The following JAM3 variants were observed in gnomAD, a reference collection of about 807,000 sequenced individuals.
JAM3 encodes junctional adhesion molecule 3.
In JAM3, 31 loss-of-function variants were observed where a neutral mutation model predicts 39.4. That is an observed-to-expected ratio of 0.79 (90% CI 0.59 to 1.06). The LOEUF (loss-of-function observed/expected upper bound fraction) is 1.06, where lower values mean the gene tolerates loss of function less well. JAM3 is among the 50% of genes least tolerant of loss of function. JAM3 has a pLI of 0.00. For synonymous variants in JAM3, 182 were observed against 148.7 expected (o/e 1.22, Z -1.63); for missense variants, 455 against 391.4 (o/e 1.16, Z -1.37).
At chr11:134,086,942 C>T (rs1271068864) in intron 1 of JAM3, among the ~76,000 whole-genome samples, 1 of 151,952 alleles carries the variant, frequency 6.6e-6, no homozygotes, top group Non-Finnish European at 1.5e-5. Context: ...GTAGCTGGGA[C>T]CACAGGGATG....
intron 1 of JAM3, among the ~76,000 whole-genome samples, chr11:134,132,980 A>G (rs1055552564): frequency 8.5e-5 from 13 of 152,138 alleles, no homozygotes; most frequent in African/African-American, 2.9e-4. Context: ...TGTCTCTCCA[A>G]TCTGGAGACA....
At chr11:134,104,014 G>C (rs1195883504) in intron 1 of JAM3, among the ~76,000 whole-genome samples, 2 of 152,180 alleles carry the variant, frequency 1.3e-5, no homozygotes, top group Non-Finnish European at 2.9e-5. Context: ...GGACATAATA[G>C]ACATCTACAG....
At position 134,151,885 on chromosome 11, in the gene JAM3, A is replaced by AG. The variant is rs1943248852; in HGVS notation, c.*2706dup. 6.6e-6 allele frequency: 1 copy of AG among 152,234 alleles called. No homozygotes were observed. The highest frequency in any genetic ancestry group is 2.4e-5 in the African/African-American group (1 of 41,454). 9.4% of individuals were successfully genotyped at this position (152,234 alleles called of 1,614,324 possible). On this transcript the variant is annotated 3_prime_UTR_variant, in exon 9 of 9. Coordinates refer to ENST00000299106, the MANE Select transcript of JAM3 (RefSeq NM_032801.5). ...ACCAGGGAAGTCAGTGCTGGGCAGG[A>AG]GGTCAGCCTGTGTGCTCAAGAGCAG...
chr11:134,135,975 C>T (rs1293468633), intron 1 of JAM3, among the ~76,000 whole-genome samples: 1 of 151,992 alleles, frequency 6.6e-6, no homozygotes, highest in African/African-American at 2.4e-5. Flanking sequence ...GAGGCTGAGA[C>T]AGGAGAATTG....
At position 134,149,193 on chromosome 11, in the gene JAM3, T is replaced by A. The variant is rs758010355; in HGVS notation, c.*12T>A. ...CGTTTGTGATCTGAGACCCGCGGTG[T>A]GGCTGAGAGCGCACAGAGCGCACGT... On this transcript the variant is annotated 3_prime_UTR_variant, in exon 9 of 9. Coordinates refer to ENST00000299106, the MANE Select transcript of JAM3 (RefSeq NM_032801.5). The A allele has an allele frequency of 2.5e-6, 4 of 1,614,000 alleles. No homozygotes were observed. The South Asian group carries it at 4.4e-5, about 18-fold the overall frequency.
chr11:134,087,331 A>G (rs1041528694), intron 1 of JAM3, among the ~76,000 whole-genome samples: 3 of 152,250 alleles, frequency 2.0e-5, no homozygotes, highest in Non-Finnish European at 2.9e-5. Context: ...ATCAGAGAGT[A>G]TATATTTTTC....
At chr11:134,090,666 C>T (rs77022827) in intron 1 of JAM3, among the ~76,000 whole-genome samples, 4,316 of 152,160 alleles carry the variant, frequency 0.028, 213 homozygotes, top group African/African-American at 0.098. Context: ...TTCTAGATTT[C>T]AGTGTTGTCT....
intron 1 of JAM3, among the ~76,000 whole-genome samples, chr11:134,084,163 G>A (rs547913736): frequency 3.3e-5 from 5 of 152,126 alleles, no homozygotes; most frequent in African/African-American, 1.2e-4. Context: ...TGTTATCATG[G>A]CCTGTCTACC....
intron 1 of JAM3, among the ~76,000 whole-genome samples, chr11:134,134,398 C>CAAAAAAAAAAAAAAAAAAAAAAAA (rs34729848): frequency 3.8e-4 from 12 of 31,924 alleles, no homozygotes; most frequent in Non-Finnish European, 4.4e-4. Context: ...GGATAAATGC[C>CAAAAAAAAAAAAAAAAAAAAAAAA]AAAAAAAAAA....
chr11:134,118,568 C>T (rs1352803462), intron 1 of JAM3, among the ~76,000 whole-genome samples: 1 of 152,086 alleles, frequency 6.6e-6, no homozygotes, highest in Non-Finnish European at 1.5e-5. Context: ...CTCTGGCCTC[C>T]CCCTGCCTGT....
intron 1 of JAM3, among the ~76,000 whole-genome samples, chr11:134,130,407 T>G (rs1942747159): frequency 6.6e-6 from 1 of 152,086 alleles, no homozygotes; most frequent in South Asian, 2.1e-4. Flanking sequence ...TTAGGTATTA[T>G]GGTTGGGAAT....
At chr11:134,094,212 C>G (rs1475581009) in intron 1 of JAM3, among the ~76,000 whole-genome samples, 5 of 124,028 alleles carry the variant, frequency 4.0e-5, no homozygotes, top group East Asian at 2.8e-4. Context: ...CCTTACATGT[C>G]ACTTCCTGAG....
intron 1 of JAM3, among the ~76,000 whole-genome samples, chr11:134,096,232 G>T (rs1207861472): frequency 6.6e-6 from 1 of 152,158 alleles, no homozygotes; most frequent in Non-Finnish European, 1.5e-5. Context: ...TCCTGCCTCG[G>T]CCTGGGATTA....
At position 134,150,729 on chromosome 11, in the gene JAM3, A is replaced by G. The variant is rs1307228053; in HGVS notation, c.*1548A>G. 8 of 152,154 alleles carry G rather than the reference A, an allele frequency of 5.3e-5. No individual in the cohort carries two copies. In the East Asian group the frequency reaches 1.5e-3, roughly 29 times the overall value. The allele number at this position is 152,154 out of a possible 1,614,324, so 9.4% of individuals were successfully genotyped here. A position where few individuals can be genotyped will look rare whatever the true frequency, so the allele number is the denominator to read the frequency against. ...AATCAAGTCTGTCAAGTACAATAAC[A>G]TTTTTAAAAGAAAATGGATCCCACT... On this transcript the variant is annotated 3_prime_UTR_variant, in exon 9 of 9. Transcript: ENST00000299106.
chr11:134,077,650 CTTTTTTT>C (rs71038558), intron 1 of JAM3, among the ~76,000 whole-genome samples: 61 of 102,046 alleles, frequency 6.0e-4, no homozygotes, highest in African/African-American at 1.6e-3. Flanking sequence ...TGGCTGGCGC[CTTTTTTT>C]TTTTTTTTTT....
chr11:134,093,927 G>A (rs867562632), intron 1 of JAM3, among the ~76,000 whole-genome samples: 1,125 of 94,022 alleles, frequency 0.012, 1 homozygote, highest in African/African-American at 0.02. Flanking sequence ...CCTGAGGGAA[G>A]CTTCTCCTGA....
chr11:134,094,277 C>T (rs1941933956), intron 1 of JAM3, among the ~76,000 whole-genome samples: 1 of 135,012 alleles, frequency 7.4e-6, no homozygotes, highest in African/African-American at 2.8e-5. Context: ...AACGTCACTT[C>T]CTGAGGGAAG....
At chr11:134,120,682 G>T (rs1942514553) in intron 1 of JAM3, among the ~76,000 whole-genome samples, 1 of 152,158 alleles carries the variant, frequency 6.6e-6, no homozygotes, top group Admixed American at 6.5e-5. Context: ...AGGACGGGGA[G>T]TTTGCACATT....
intron 1 of JAM3, among the ~76,000 whole-genome samples, chr11:134,086,068 G>T (rs1941741801): frequency 6.6e-6 from 1 of 152,130 alleles, no homozygotes; most frequent in Non-Finnish European, 1.5e-5. Context: ...TCACATATTT[G>T]AGCCCTATCG....
Sources: allele counts gnomAD v4.1 joint callset (sites outside exome capture counted in the v4.1 genomes callset), GRCh38; gene constraint gnomAD v4.1.1; transcripts MANE v1.5; gene names NCBI Gene and HGNC (gene_info 2026-07-23, HGNC 2026-07-21).